ME1: variants seen among roughly 807,000 people sequenced by gnomAD.
ME1 encodes NADP-dependent malic enzyme.
Under a neutral mutation model 66.4 loss-of-function variants are expected in ME1, and 74 were observed. That is an observed-to-expected ratio of 1.11 (90% CI 0.92 to 1.35). The LOEUF (loss-of-function observed/expected upper bound fraction) is 1.35, where lower values mean the gene tolerates loss of function less well. Among genes scored for constraint, ME1 ranks in the 40% most tolerant of loss-of-function variants. The pLI, the probability that ME1 is intolerant of heterozygous loss-of-function variation, is 0.00. For synonymous variants in ME1, 251 were observed against 235.6 expected (o/e 1.07, Z -0.60); for missense variants, 750 against 694.1 (o/e 1.08, Z -0.90).
In ME1 at chr6:83,430,951, C is replaced by A. The variant is rs188026958; in HGVS notation, c.4G>T (p.Glu2Ter). 9.6e-6 allele frequency: 15 copies of A among 1,568,488 alleles called. No individual in the cohort carries two copies. Among genetic ancestry groups the A allele is most frequent in the Non-Finnish European group, 1.3e-5 (15 of 1,159,976 alleles). Residue 2 changes from glutamate to a stop codon, truncating the protein, a stop_gained, in exon 1 of 14, where the codon GAG becomes TAG. Transcript: ENST00000369705. LOFTEE classifies it high-confidence loss of function. M[E>*]PEAPRRRHTH... ...TGGCGGCGACGGGGGGCTTCGGGCT[C>A]CATGGCTGGCGCCGGGTTCGGCGGC...
chr6:83,300,610 C>CTTTTTTTTTTTTTTTT (rs35205380), intron 6 of ME1, among the ~76,000 whole-genome samples: 45 of 84,966 alleles, frequency 5.3e-4, no homozygotes, highest in African/African-American at 7.0e-4. Flanking sequence ...TTCTTTCTTT[C>CTTTTTTTTTTTTTTTT]TTTTTTTTTT....
At chr6:83,276,173 C>T (rs558986932) in intron 6 of ME1, among the ~76,000 whole-genome samples, 1 of 152,212 alleles carries the variant, frequency 6.6e-6, no homozygotes, top group East Asian at 1.9e-4. Flanking sequence ...AACAAATTCA[C>T]GATGCAGTTG....
At chr6:83,363,855 G>A (rs529981349) in intron 3 of ME1, among the ~76,000 whole-genome samples, 1 of 152,294 alleles carries the variant, frequency 6.6e-6, no homozygotes, top group South Asian at 2.1e-4. Flanking sequence ...TTATGTAACA[G>A]TATTTGGGTT....
chr6:83,274,564 A>G (rs1330909167), intron 6 of ME1, among the ~76,000 whole-genome samples: 1 of 152,242 alleles, frequency 6.6e-6, no homozygotes, highest in Non-Finnish European at 1.5e-5. Flanking sequence ...TTTGTTGAAT[A>G]TAAGTGAGAA....
chr6:83,430,417 G>C (rs1477162054), intron 1 of ME1, among the ~76,000 whole-genome samples: 1 of 152,184 alleles, frequency 6.6e-6, no homozygotes, highest in African/African-American at 2.4e-5. Flanking sequence ...TGTCTGGGCA[G>C]GACCAGTTGA....
At chr6:83,246,384 C>G (rs1438966183) in intron 7 of ME1, among the ~76,000 whole-genome samples, 1 of 152,030 alleles carries the variant, frequency 6.6e-6, no homozygotes, top group Admixed American at 6.6e-5. Context: ...TAGCTGTAAC[C>G]ACTTTCAACA....
At chr6:83,370,181 A>T (rs1463361165) in intron 3 of ME1, among the ~76,000 whole-genome samples, 2 of 152,194 alleles carry the variant, frequency 1.3e-5, no homozygotes, top group African/African-American at 4.8e-5. Flanking sequence ...TTTCTGTGAC[A>T]TTAGAATTAA....
intron 1 of ME1, among the ~76,000 whole-genome samples, chr6:83,425,097 TC>T (rs1279313127): frequency 6.6e-6 from 1 of 152,140 alleles, no homozygotes; most frequent in Non-Finnish European, 1.5e-5. Flanking sequence ...CACTGTGGCC[TC>T]CCACCTCAGC....
chr6:83,369,682 A>T (rs1448147043), intron 3 of ME1, among the ~76,000 whole-genome samples: 1 of 105,740 alleles, frequency 9.5e-6, no homozygotes, highest in Non-Finnish European at 2.3e-5. Flanking sequence ...GAAGGAAGGA[A>T]GGAAGGAAGG....
chr6:83,320,772 CT>C (rs1768154649), intron 5 of ME1, among the ~76,000 whole-genome samples: 1 of 152,184 alleles, frequency 6.6e-6, no homozygotes. Flanking sequence ...ATAAAGAAGT[CT>C]GACTACAATG....
intron 4 of ME1, 26 bp from the exon 5 acceptor site, chr6:83,346,360 T>C (rs1308392713): frequency 1.3e-6 from 2 of 1,541,968 alleles, no homozygotes; most frequent in South Asian, 1.2e-5. Flanking sequence ...AAATTACCTA[T>C]TAACAAGTTT....
intron 3 of ME1, among the ~76,000 whole-genome samples, chr6:83,364,640 T>A (rs1769065448): frequency 6.6e-6 from 1 of 152,124 alleles, no homozygotes; most frequent in Non-Finnish European, 1.5e-5. Flanking sequence ...GCCAACCCAA[T>A]GGACAGAGCT....
At chr6:83,264,539 C>A (rs1039479798) in intron 6 of ME1, among the ~76,000 whole-genome samples, 16 of 152,120 alleles carry the variant, frequency 1.1e-4, no homozygotes, top group Non-Finnish European at 1.6e-4. Flanking sequence ...TTCTAGATGT[C>A]CCTAAGAACA....
intron 12 of ME1, 88 bp downstream of exon 12, chr6:83,223,672 G>T: frequency 8.0e-7 from 1 of 1,247,102 alleles, no homozygotes; most frequent in Non-Finnish European, 1.1e-6. Context: ...AGTAAGCTGA[G>T]ATGCTAGATA....
chr6:83,422,942 G>C (rs1297823857), intron 1 of ME1, among the ~76,000 whole-genome samples: 1 of 151,872 alleles, frequency 6.6e-6, no homozygotes, highest in Non-Finnish European at 1.5e-5. Flanking sequence ...AAAATATTTG[G>C]AGAAAATAAT....
intron 12 of ME1, among the ~76,000 whole-genome samples, chr6:83,220,413 G>A (rs183651431): frequency 1.1e-4 from 17 of 152,310 alleles, no homozygotes; most frequent in African/African-American, 3.6e-4. Context: ...ACAGGGCCAG[G>A]AGGGCTGATC....
At chr6:83,245,644 G>A (rs1459516583) in intron 7 of ME1, among the ~76,000 whole-genome samples, 1 of 152,150 alleles carries the variant, frequency 6.6e-6, no homozygotes, top group African/African-American at 2.4e-5. Context: ...GTGACCTTAG[G>A]TGATCCACCT....
intron 7 of ME1, among the ~76,000 whole-genome samples, chr6:83,243,850 T>TG (rs1280104922): frequency 7.9e-6 from 1 of 126,004 alleles, no homozygotes; most frequent in Non-Finnish European, 1.6e-5. Context: ...AAATTATATA[T>TG]ATAATTATAT....
chr6:83,422,899 T>C (rs972439808), intron 1 of ME1, among the ~76,000 whole-genome samples: 8 of 151,932 alleles, frequency 5.3e-5, no homozygotes, highest in Non-Finnish European at 7.4e-5. Context: ...AACATTTGTA[T>C]CATCAGAGTC....
Sources: allele counts gnomAD v4.1 joint callset (sites outside exome capture counted in the v4.1 genomes callset), GRCh38; gene constraint gnomAD v4.1.1; transcripts MANE v1.5; gene names NCBI Gene and HGNC (gene_info 2026-07-23, HGNC 2026-07-21).